The following PDE11A variants were observed in gnomAD, a reference collection of about 807,000 sequenced individuals.
PDE11A encodes the protein dual 3',5'-cyclic-AMP and -GMP phosphodiesterase 11A.
PDE11A carries 100 observed loss-of-function variants against 100.5 expected under a neutral mutation model. The ratio of observed to expected loss-of-function variants is 1.00; its 90% CI spans 0.85 to 1.18. PDE11A has a LOEUF of 1.18. Among genes scored for constraint, PDE11A ranks in the 50% most tolerant of loss-of-function variants. PDE11A has a pLI of 0.00. For synonymous variants in PDE11A, 381 were observed against 420.8 expected, an observed-to-expected ratio of 0.91 and a Z score of 1.16; for missense variants, 1,141 against 1,152.6, an observed-to-expected ratio of 0.99 and a Z score of 0.15.
chr2:177,686,366 A>T (rs190148076), intron 15 of PDE11A, among the ~76,000 whole-genome samples: 1 of 152,312 alleles, frequency 6.6e-6, no homozygotes, highest in African/African-American at 2.4e-5. Context: ...CAGTAGTTGG[A>T]GACCAGCCTT....
At chr2:177,788,631 T>C (rs2082577771) in intron 9 of PDE11A, among the ~76,000 whole-genome samples, 1 of 151,812 alleles carries the variant, frequency 6.6e-6, no homozygotes, top group African/African-American at 2.4e-5. Context: ...ACAAAATTGA[T>C]AGACTGCTAG....
intron 1 of PDE11A, among the ~76,000 whole-genome samples, chr2:178,047,534 TA>T (rs1559053584): frequency 6.6e-6 from 1 of 150,578 alleles, no homozygotes. Flanking sequence ...TAAAGATATA[TA>T]AAACAACATG....
chr2:178,053,810 G>A lies in PDE11A; in HGVS notation c.912+17716C>T, dbSNP rs1385155305. Among the ~76,000 whole-genome samples, 3 of 152,248 alleles carry A rather than the reference G, an allele frequency of 2.0e-5. No individual in the cohort carries two copies. The South Asian group carries it at 6.2e-4, about 32-fold the overall frequency. On this transcript the variant is annotated intron_variant, in intron 1 of 19. Coordinates refer to ENST00000286063, the MANE Select transcript of PDE11A (RefSeq NM_016953.4). ...CCTAGGAATACAACTTACAAGGGAC[G>A]TGAAGGACTTCCTCAAGGAGAACTA...
chr2:177,868,645 T>G (rs2084071209), intron 5 of PDE11A, among the ~76,000 whole-genome samples: 2 of 152,170 alleles, frequency 1.3e-5, no homozygotes, highest in South Asian at 4.1e-4. Context: ...TGTTCACAGA[T>G]CTTATCCTCT....
chr2:177,820,594 A>G (rs935372058), intron 6 of PDE11A, among the ~76,000 whole-genome samples: 3 of 151,940 alleles, frequency 2.0e-5, no homozygotes, highest in African/African-American at 7.2e-5. Flanking sequence ...GATCATGACC[A>G]CACCACTAGA....
chr2:177,680,985 C>T (rs4538242), intron 15 of PDE11A, 82 bp from the exon 16 acceptor site: 736,512 of 736,804 alleles, frequency 1, 368,110 homozygotes, highest in East Asian at 1. Context: ...ATAAACACAT[C>T]TATGGGAAAA....
At chr2:177,857,907 A>C (rs2083871030) in intron 5 of PDE11A, among the ~76,000 whole-genome samples, 1 of 151,960 alleles carries the variant, frequency 6.6e-6, no homozygotes, top group African/African-American at 2.4e-5. Context: ...ATATCAGATA[A>C]AACAGTTTTT....
chr2:177,896,962 A>C (rs1230535597), intron 4 of PDE11A, among the ~76,000 whole-genome samples: 2 of 152,162 alleles, frequency 1.3e-5, no homozygotes, highest in Admixed American at 6.5e-5. Context: ...AAATCTGGGG[A>C]AACACTCCTA....
At chr2:177,841,050 T>C (rs2083483268) in intron 5 of PDE11A, among the ~76,000 whole-genome samples, 2 of 152,356 alleles carry the variant, frequency 1.3e-5, no homozygotes, top group African/African-American at 2.4e-5. Context: ...ACCCTTAACA[T>C]TAATAATTAA....
intron 2 of PDE11A, among the ~76,000 whole-genome samples, chr2:177,981,085 T>A (rs1380752787): frequency 6.7e-6 from 1 of 150,290 alleles, no homozygotes; most frequent in Non-Finnish European, 1.5e-5. Flanking sequence ...AGCTGTGTGA[T>A]CTTGGGCAAA....
intron 2 of PDE11A, among the ~76,000 whole-genome samples, chr2:177,994,007 C>T (rs1427447772): frequency 6.7e-6 from 1 of 150,116 alleles, no homozygotes; most frequent in Non-Finnish European, 1.5e-5. Context: ...GCAATCTCGG[C>T]TCACTGCAAC....
chr2:177,635,435 A>G (rs1245599761), intron 19 of PDE11A, among the ~76,000 whole-genome samples: 1 of 152,110 alleles, frequency 6.6e-6, no homozygotes, highest in Non-Finnish European at 1.5e-5. Context: ...TACTTGCCCC[A>G]CTATGGGACA....
intron 5 of PDE11A, among the ~76,000 whole-genome samples, chr2:177,866,460 A>G (rs2084032063): frequency 6.6e-6 from 1 of 152,160 alleles, no homozygotes; most frequent in Admixed American, 6.5e-5. Flanking sequence ...CTGTGGTCAA[A>G]TGCTCTCCCC....
At chr2:178,036,800 G>C (rs1011333425) in intron 1 of PDE11A, among the ~76,000 whole-genome samples, 1 of 152,118 alleles carries the variant, frequency 6.6e-6, no homozygotes, top group Non-Finnish European at 1.5e-5. Context: ...AAATGGTGCT[G>C]GGAAAACTGG....
chr2:177,785,823 G>A (rs1405139051), intron 9 of PDE11A, among the ~76,000 whole-genome samples: 3 of 152,166 alleles, frequency 2.0e-5, no homozygotes, highest in Admixed American at 6.5e-5. Context: ...AGGCGGCAGC[G>A]AGGCTGGGGG....
intron 15 of PDE11A, chr2:177,683,302 G>A (rs1210445914): frequency 6.6e-6 from 1 of 152,302 alleles, no homozygotes; most frequent in Non-Finnish European, 1.5e-5. Context: ...ACGGCAACTG[G>A]CGAGATGGCA....
At position 177,830,975 on chromosome 2, in the gene PDE11A, C is replaced by A. The variant is rs144459441; in HGVS notation, c.1500+9276G>T. Reference sequence around the variant, plus strand: ...CACAAATGTAGTTCTAGCTCTGTGACATATAATCTTTTGTCATAATTTTTC... The same window carrying A: ...CACAAATGTAGTTCTAGCTCTGTGAAATATAATCTTTTGTCATAATTTTTC... On this transcript the variant is annotated intron_variant, in intron 6 of 19. Transcript: ENST00000286063. 1.0e-3 allele frequency among the ~76,000 whole-genome samples: 154 copies of A among 152,258 alleles called. 1 individual carries two copies. Among genetic ancestry groups the A allele is most frequent in the Admixed American group, 7.5e-3 (115 of 15,288 alleles).
Position 177,623,639 on chromosome 2 carries a change from T to C in PDE11A, c.*5768A>G, listed in dbSNP as rs2079793024. ...ATCTAAACTAGAGTAAAAGAAAAAT[T>C]GAGATTCGAATACACACGCATATAC... On this transcript the variant is annotated 3_prime_UTR_variant, in exon 20 of 20. Transcript: ENST00000286063. 1 of 152,180 alleles carries C rather than the reference T, an allele frequency of 6.6e-6. No homozygotes were observed. Among genetic ancestry groups the C allele is most frequent in the African/African-American group, 2.4e-5 (1 of 41,448 alleles). 9.4% of individuals were successfully genotyped at this position (152,180 alleles called of 1,614,324 possible).
At chr2:177,953,799 A>C (rs1380385053) in intron 2 of PDE11A, among the ~76,000 whole-genome samples, 2 of 152,126 alleles carry the variant, frequency 1.3e-5, no homozygotes, top group Non-Finnish European at 2.9e-5. Flanking sequence ...AATCCTTCTA[A>C]TTCCCATGGA....
Sources: allele counts gnomAD v4.1 joint callset (sites outside exome capture counted in the v4.1 genomes callset), GRCh38; gene constraint gnomAD v4.1.1; transcripts MANE v1.5; gene names NCBI Gene and HGNC (gene_info 2026-07-23, HGNC 2026-07-21).